The following ZMYM2 variants were observed in gnomAD, a reference collection of about 807,000 sequenced individuals.
ZMYM2 encodes the protein zinc finger MYM-type protein 2.
ZMYM2 carries 56 observed loss-of-function variants against 162.8 expected under a neutral mutation model. The observed-to-expected ratio is 0.34, with a 90% CI of 0.28 to 0.43. The LOEUF is 0.43. ZMYM2 is among the 20% of genes least tolerant of loss of function. The pLI is 1.00. For synonymous variants in ZMYM2, 510 were observed against 541.6 expected, an observed-to-expected ratio of 0.94 and a Z score of 0.81; for missense variants, 1,275 against 1,621.8, an observed-to-expected ratio of 0.79 and a Z score of 3.67.
chr13:19,906,525 T>C, the ZMYM2 span, among the ~76,000 whole-genome samples: 68 of 13,350 alleles, frequency 5.1e-3, no homozygotes, highest in Admixed American at 0.048. Flanking sequence ...ATATCACACA[T>C]ATATATATAT....
chr13:19,882,900 G>T, the ZMYM2 span, among the ~76,000 whole-genome samples: 2 of 151,916 alleles, frequency 1.3e-5, no homozygotes, highest in African/African-American at 4.8e-5. Context: ...TTCATTCCTG[G>T]GTTTATGCTC....
At chr13:19,970,115 T>G in intron 2 of ZMYM2, 2 of 963,886 alleles carry the variant, frequency 2.1e-6, no homozygotes, top group South Asian at 4.8e-5. Context: ...GTTTAAACAT[T>G]ATGGAAAATT....
upstream of ZMYM2, among the ~76,000 whole-genome samples, chr13:19,954,197 C>T (rs553381054): frequency 1.4e-3 from 175 of 124,680 alleles, no homozygotes; most frequent in Non-Finnish European, 2.3e-3. Context: ...GGCACAATCT[C>T]GGCTCACTGC....
the ZMYM2 span, among the ~76,000 whole-genome samples, chr13:19,934,574 T>G: frequency 6.6e-6 from 1 of 152,292 alleles, no homozygotes; most frequent in South Asian, 2.1e-4. Flanking sequence ...TTTAAAATTT[T>G]TATCATTATC....
At chr13:19,990,214 A>T (rs1309373821) in intron 2 of ZMYM2, among the ~76,000 whole-genome samples, 1 of 152,206 alleles carries the variant, frequency 6.6e-6, no homozygotes, top group African/African-American at 2.4e-5. Context: ...GATTTTTGCC[A>T]TGTGCCTAGA....
intron 21 of ZMYM2, among the ~76,000 whole-genome samples, chr13:20,078,442 C>T (rs182240934): frequency 8.5e-5 from 13 of 152,190 alleles, no homozygotes; most frequent in African/African-American, 2.2e-4. Flanking sequence ...GCTAGCTCTC[C>T]GAAACATTTG....
intron 24 of ZMYM2, among the ~76,000 whole-genome samples, chr13:20,084,671 T>G (rs1294265315): frequency 6.6e-6 from 1 of 152,174 alleles, no homozygotes; most frequent in Non-Finnish European, 1.5e-5. Flanking sequence ...TTTTTTCCCC[T>G]CAATCTCAGA....
At chr13:19,971,244 G>GTGTATATATATATA (rs5802035) in intron 2 of ZMYM2, among the ~76,000 whole-genome samples, 2 of 50,134 alleles carry the variant, frequency 4.0e-5, no homozygotes, top group African/African-American at 1.3e-4. Context: ...GTGTGTGTGT[G>GTGTATATATATATA]TATATATATA....
chr13:19,932,414 G>A, the ZMYM2 span, among the ~76,000 whole-genome samples: 1 of 152,120 alleles, frequency 6.6e-6, no homozygotes, highest in Admixed American at 6.6e-5. Flanking sequence ...TTGGGAGGCT[G>A]TGGCAGGTGG....
the ZMYM2 span, among the ~76,000 whole-genome samples, chr13:19,897,675 A>C: frequency 2.0e-5 from 3 of 152,062 alleles, no homozygotes; most frequent in Non-Finnish European, 4.4e-5. Flanking sequence ...AATAGAGTTT[A>C]AGTCAAAAAC....
Position 19,965,149 on chromosome 13 carries a change from A to G in ZMYM2, c.-11+5123A>G, listed in dbSNP as rs2139143794. The G allele has an allele frequency of 5.9e-6, 5 of 854,658 alleles. 1 individual carries two copies. The highest frequency in any genetic ancestry group is 3.4e-5 in the South Asian group (2 of 58,994). The allele number at this position is 854,658 out of a possible 1,614,324, so 52.9% of individuals were successfully genotyped here. A position where few individuals can be genotyped will look rare whatever the true frequency, so the allele number is the denominator to read the frequency against. ...AAGTAACATTGGGATGCACAGTTAG[A>G]AGTTGCAGACAGAATAATGTTTGTA... On this transcript the variant is annotated intron_variant, in intron 2 of 24. Coordinates refer to ENST00000610343, the MANE Select transcript of ZMYM2 (RefSeq NM_197968.4).
chr13:19,879,614 T>C, the ZMYM2 span, among the ~76,000 whole-genome samples: 19 of 152,202 alleles, frequency 1.2e-4, no homozygotes, highest in African/African-American at 4.6e-4. Flanking sequence ...AAAGATTGTT[T>C]TGGCTATTCA....
At chr13:20,006,658 A>G (rs919978460) in intron 6 of ZMYM2, 72 bp downstream of exon 6, 1 of 1,424,740 alleles carries the variant, frequency 7.0e-7, no homozygotes, top group Non-Finnish European at 9.7e-7. Flanking sequence ...CTTTTACTCT[A>G]ACAGTGTTTA....
chr13:20,067,269 T>A lies in ZMYM2; in HGVS notation c.3332T>A (p.Leu1111His). Residue 1111 changes from leucine (L) to histidine (H), a missense_variant, in exon 21 of 25, where the codon CTC becomes CAC. Coordinates refer to ENST00000610343, the MANE Select transcript of ZMYM2 (RefSeq NM_197968.4). ...SKSVKLKEDL[L>H]SHTTAELNYG... ...TCAGTAAAGTTAAAAGAGGATCTAC[T>A]CTCTCACACCACAGCTGAGCTTAAC... The A allele has an allele frequency of 6.4e-7, 1 of 1,573,312 alleles. No individual in the cohort carries two copies. The highest frequency in any genetic ancestry group is 8.6e-7 in the Non-Finnish European group (1 of 1,158,146).
chr13:19,915,099 C>A, the ZMYM2 span, among the ~76,000 whole-genome samples: 1 of 152,098 alleles, frequency 6.6e-6, no homozygotes, highest in African/African-American at 2.4e-5. Flanking sequence ...GTAGCTGAGA[C>A]TACAGGCATG....
At chr13:20,057,716 A>G (rs1438950616) in intron 14 of ZMYM2, among the ~76,000 whole-genome samples, 1 of 152,238 alleles carries the variant, frequency 6.6e-6, no homozygotes, top group African/African-American at 2.4e-5. Context: ...TGTATGAAGT[A>G]TCGTTAACAA....
intron 6 of ZMYM2, among the ~76,000 whole-genome samples, chr13:20,013,421 C>G: frequency 6.6e-6 from 1 of 152,186 alleles, no homozygotes; most frequent in Middle Eastern, 3.4e-3. Flanking sequence ...TTTTCCAATT[C>G]GGATGCATTT....
chr13:20,014,161 C>T (rs545401429), intron 6 of ZMYM2, among the ~76,000 whole-genome samples: 2 of 152,084 alleles, frequency 1.3e-5, no homozygotes, highest in Admixed American at 6.5e-5. Flanking sequence ...GCAACCCCCG[C>T]CTCCCGGGTT....
chr13:19,999,434 T>C (rs1276541246), intron 3 of ZMYM2, among the ~76,000 whole-genome samples: 1 of 152,208 alleles, frequency 6.6e-6, no homozygotes, highest in East Asian at 1.9e-4. Context: ...GATGTTACTA[T>C]TGTAATTGTT....
Sources: gnomAD v4.1 joint callset for allele counts (sites outside exome capture counted in the v4.1 genomes callset) on GRCh38, gnomAD v4.1.1 for gene constraint, MANE v1.5 for transcripts, NCBI Gene and HGNC (gene_info 2026-07-23, HGNC 2026-07-21) for gene names.